The following ERICH3 variants were observed in gnomAD, a reference collection of about 807,000 sequenced individuals.
ERICH3 encodes the protein glutamate-rich protein 3.
In ERICH3, 126 loss-of-function variants were observed where a neutral mutation model predicts 131.1. That is an observed-to-expected ratio of 0.96 (90% CI 0.83 to 1.11). ERICH3 has a LOEUF of 1.11. Among genes scored for constraint, ERICH3 ranks in the 50% most tolerant of loss-of-function variants. ERICH3 has a pLI of 0.00. For missense variants in ERICH3, 2,050 were observed against 1,810.7 expected, an observed-to-expected ratio of 1.13 and a Z score of -2.40; for synonymous variants, 695 against 644.6, an observed-to-expected ratio of 1.08 and a Z score of -1.18.
Position 74,612,796 on chromosome 1 carries a change from A to G in ERICH3, c.1014T>C (p.Phe338=), listed in dbSNP as rs766911630. 8.2e-6 allele frequency: 13 copies of G among 1,580,470 alleles called. No individual in the cohort carries two copies. Among genetic ancestry groups the G allele is most frequent in the Admixed American group, 1.7e-5 (1 of 59,344 alleles). The change falls in exon 9 of 15, where the codon TTT becomes TTC. Residue 338 remains phenylalanine (F), a synonymous_variant. Transcript: ENST00000326665. ...GKLLEKETFQ[F]ISKRHHGFPF... ...GGAAACCATGATGCCTTTTGGAAAT[A>G]AACTGAAAGGTCTCTGGAATTAAAA...
chr1:74,586,411 C>CA (rs1331005785), intron 12 of ERICH3: 1 of 982,568 alleles, frequency 1.0e-6, no homozygotes, highest in Non-Finnish European at 1.2e-6. Flanking sequence ...ATGCACACAC[C>CA]AAAAAATTGC....
chr1:74,586,469 GACTTTC>G (rs1200112262), intron 12 of ERICH3: 4 of 984,364 alleles, frequency 4.1e-6, no homozygotes, highest in Non-Finnish European at 4.8e-6. Context: ...GGGCGAGAAA[GACTTTC>G]ACTTTCACTT....
rs190764064 is a variant in ERICH3, at chr1:74,611,312, G to A, written c.1187+1311C>T. 3.3e-5 allele frequency among the ~76,000 whole-genome samples: 5 copies of A among 152,154 alleles called. 1 individual carries two copies. Among genetic ancestry groups the A allele is most frequent in the South Asian group, 4.1e-4 (2 of 4,822 alleles). On this transcript the variant is annotated intron_variant, in intron 9 of 14. Transcript: ENST00000326665. The stretch of plus-strand genomic sequence containing the variant: ...TTATTCAAGACAAAAATTTTGAATC[G>A]TCTTTGGCTCTGCTCTTTATCTCAT...
chr1:74,614,022 A>G (rs933845389), intron 8 of ERICH3, among the ~76,000 whole-genome samples: 1 of 152,130 alleles, frequency 6.6e-6, no homozygotes, highest in African/African-American at 2.4e-5. Flanking sequence ...TCAAATTTTA[A>G]TGGTGTATCA....
chr1:74,673,861 G>A, upstream of ERICH3: 2 of 273,406 alleles, frequency 7.3e-6, no homozygotes, highest in Non-Finnish European at 1.3e-5. Flanking sequence ...TGATAGGGAG[G>A]AGACCCAAGC....
intron 1 of ERICH3, among the ~76,000 whole-genome samples, chr1:74,665,422 A>T (rs1367450322): frequency 6.6e-6 from 1 of 152,176 alleles, no homozygotes; most frequent in Admixed American, 6.5e-5. Flanking sequence ...ATTTATTTTA[A>T]ATGATTCTGC....
At chr1:74,669,771 C>T (rs567606614) in intron 1 of ERICH3, among the ~76,000 whole-genome samples, 3 of 152,312 alleles carry the variant, frequency 2.0e-5, no homozygotes, top group Non-Finnish European at 4.4e-5. Flanking sequence ...GCAATTTTTA[C>T]ATCAAGTGCT....
chr1:74,626,202 T>C (rs1446551416), intron 7 of ERICH3: 1 of 152,198 alleles, frequency 6.6e-6, no homozygotes, highest in Non-Finnish European at 1.5e-5. Context: ...TCTAGAGAAC[T>C]TAGCAACTAG....
At chr1:74,594,586 A>C (rs895799212) in intron 11 of ERICH3, among the ~76,000 whole-genome samples, 1 of 152,088 alleles carries the variant, frequency 6.6e-6, no homozygotes, top group Non-Finnish European at 1.5e-5. Flanking sequence ...GCTTCTACCT[A>C]TAATACACAC....
chr1:74,659,242 G>A (rs606812), intron 1 of ERICH3, among the ~76,000 whole-genome samples: 1,918 of 152,248 alleles, frequency 0.013, 33 homozygotes, highest in African/African-American at 0.043. Context: ...AGGGATAAGA[G>A]AGTACCATGG....
intron 1 of ERICH3, among the ~76,000 whole-genome samples, chr1:74,664,429 G>A (rs895148562): frequency 8.6e-5 from 13 of 151,854 alleles, no homozygotes; most frequent in African/African-American, 3.1e-4. Context: ...CAATATTATG[G>A]CAAATATCTT....
chr1:74,581,244 T>C (rs1249199348), intron 12 of ERICH3, among the ~76,000 whole-genome samples: 3 of 152,224 alleles, frequency 2.0e-5, no homozygotes, highest in Non-Finnish European at 4.4e-5. Context: ...CCATTTATCA[T>C]ATTTCTTTTT....
intron 1 of ERICH3, 89 bp from the exon 2 acceptor site, chr1:74,649,404 A>G: frequency 1.1e-6 from 1 of 910,950 alleles, no homozygotes; most frequent in Non-Finnish European, 1.7e-6. Context: ...AATAGTGCAT[A>G]ATCATTCACT....
rs535750867 is a variant in ERICH3 at position 74,573,133 on chromosome 1, T to C, written c.2577A>G (p.Ile859Met). The change falls in exon 14 of 15, where the codon ATA (isoleucine) becomes ATG (methionine). Residue 859 changes from isoleucine (I) to methionine (M), a missense_variant. Ile to Met is a conservative substitution (Grantham distance 10). Coordinates refer to ENST00000326665, the MANE Select transcript of ERICH3 (RefSeq NM_001002912.5). ...RRLGEGGSDPIGQAAAKDAVG... is the reference protein window; with the variant it reads ...RRLGEGGSDPMGQAAAKDAVG... ...CAGCATCTTTTGCTGCTGCTTGTCCTATGGGGTCTGACCCCCCTTCACCCA... is the reference window on the plus strand; with the variant it reads ...CAGCATCTTTTGCTGCTGCTTGTCCCATGGGGTCTGACCCCCCTTCACCCA... 2.5e-5 allele frequency: 41 copies of C among 1,613,624 alleles called. No individual in the cohort carries two copies. Among genetic ancestry groups the C allele is most frequent in the Non-Finnish European group, 3.1e-5 (37 of 1,179,818 alleles).
At chr1:74,611,916 C>T (rs187823740) in intron 9 of ERICH3, among the ~76,000 whole-genome samples, 5 of 152,056 alleles carry the variant, frequency 3.3e-5, no homozygotes, top group Admixed American at 6.6e-5. Context: ...TTTGTAGGTA[C>T]GTTATTAGCT....
chr1:74,658,203 G>A (rs1043558487), intron 1 of ERICH3, among the ~76,000 whole-genome samples: 1 of 152,112 alleles, frequency 6.6e-6, no homozygotes, highest in African/African-American at 2.4e-5. Flanking sequence ...TTCTCTATGA[G>A]GTATTCCTCC....
In ERICH3 at chr1:74,584,522, G is replaced by A. The variant is rs1362039833; in HGVS notation, c.2176+5109C>T. ...CACTTGCTGGACCCCTGCTCCCTGT[G>A]GTCTTTCTGCAGATGACAGAGTGGC... On this transcript the variant is annotated intron_variant, in intron 12 of 14. Transcript: ENST00000326665. Among the ~76,000 whole-genome samples, 3 of 152,058 alleles carry A rather than the reference G, an allele frequency of 2.0e-5. No individual in the cohort carries two copies. In the East Asian group the frequency reaches 5.8e-4, roughly 29 times the overall value.
At chr1:74,654,476 A>G (rs1035191160) in intron 1 of ERICH3, among the ~76,000 whole-genome samples, 2 of 152,058 alleles carry the variant, frequency 1.3e-5, no homozygotes, top group Non-Finnish European at 2.9e-5. Flanking sequence ...AGCTTAAACA[A>G]ACACTATTTT....
intron 1 of ERICH3, among the ~76,000 whole-genome samples, chr1:74,665,518 A>T (rs1387998249): frequency 6.6e-6 from 1 of 152,226 alleles, no homozygotes; most frequent in Non-Finnish European, 1.5e-5. Context: ...TTAGTTTGGT[A>T]GGGCTGCGAT....
Sources: allele counts gnomAD v4.1 joint callset (sites outside exome capture counted in the v4.1 genomes callset), GRCh38; gene constraint gnomAD v4.1.1; transcripts MANE v1.5; gene names NCBI Gene and HGNC (gene_info 2026-07-23, HGNC 2026-07-21).